TNRC6A: variants seen among roughly 807,000 people sequenced by gnomAD.
TNRC6A encodes the protein trinucleotide repeat-containing gene 6A protein.
A neutral mutation model predicts 221.2 loss-of-function variants in TNRC6A; 44 were observed. That is an observed-to-expected ratio of 0.20 (90% confidence interval 0.16 to 0.26). The LOEUF is 0.26. Ranked by LOEUF, TNRC6A falls within the 10% of genes least tolerant of loss-of-function variation. The pLI, the probability that TNRC6A is intolerant of heterozygous loss-of-function variation, is 1.00. For synonymous variants in TNRC6A, 847 were observed against 838.5 expected, an observed-to-expected ratio of 1.01 and a Z score of -0.18; for missense variants, 2,199 against 2,404.4, an observed-to-expected ratio of 0.91 and a Z score of 1.79.
upstream of TNRC6A, among the ~76,000 whole-genome samples, chr16:24,725,275 C>T (rs1426750520): frequency 2.0e-5 from 3 of 152,054 alleles, no homozygotes; most frequent in Non-Finnish European, 2.9e-5. Flanking sequence ...CAGCCTCAAG[C>T]GATCCTCCCA....
At chr16:24,653,605 G>A (rs1318793217) in intron 2 of TNRC6A, among the ~76,000 whole-genome samples, 2 of 152,046 alleles carry the variant, frequency 1.3e-5, no homozygotes, top group Non-Finnish European at 2.9e-5. Context: ...GTGAAACCCT[G>A]TCTCTACTAA....
In TNRC6A at chr16:24,798,055, C is replaced by T. The variant is rs569097688; in HGVS notation, c.3694+89C>T. ...CTACTGAAAGAGCCCTGACGTAGAT[C>T]AGGACAGGGGAGGCTGTGCTCTCCA... On this transcript the variant is annotated intron_variant, in intron 11 of 24. Transcript: ENST00000395799. 1.3e-3 allele frequency: 1,480 copies of T among 1,182,072 alleles called. 2 individuals are homozygous for T. Among genetic ancestry groups the T allele is most frequent in the Non-Finnish European group, 1.7e-3 (1,362 of 814,452 alleles). The allele number at this position is 1,182,072 out of a possible 1,614,324, so 73.2% of individuals were successfully genotyped here. A position where few individuals can be genotyped will look rare whatever the true frequency, so the allele number is the denominator to read the frequency against.
intron 1 of TNRC6A, among the ~76,000 whole-genome samples, chr16:24,638,949 A>T (rs1020575708): frequency 2.0e-5 from 3 of 152,216 alleles, no homozygotes; most frequent in Non-Finnish European, 4.4e-5. Flanking sequence ...TAAAACAAGG[A>T]TAGAAATCTG....
intron 5 of TNRC6A, among the ~76,000 whole-genome samples, chr16:24,788,719 G>T (rs903430443): frequency 6.8e-6 from 1 of 146,826 alleles, no homozygotes; most frequent in Non-Finnish European, 1.5e-5. Context: ...CACTATCTCC[G>T]CTCACTGCAA....
upstream of TNRC6A, among the ~76,000 whole-genome samples, chr16:24,726,361 C>T (rs201535216): frequency 2.8e-4 from 6 of 21,326 alleles, no homozygotes; most frequent in Non-Finnish European, 5.4e-4. Context: ...GCAAAAGATA[C>T]CAAAAAAAAA....
At chr16:24,679,765 C>A (rs1408213451) in intron 2 of TNRC6A, among the ~76,000 whole-genome samples, 1 of 152,082 alleles carries the variant, frequency 6.6e-6, no homozygotes, top group African/African-American at 2.4e-5. Flanking sequence ...GCGTGAGCCA[C>A]CCCACCTGGC....
At chr16:24,808,797 T>C (rs554421178) in intron 17 of TNRC6A, among the ~76,000 whole-genome samples, 2 of 152,362 alleles carry the variant, frequency 1.3e-5, no homozygotes, top group African/African-American at 4.8e-5. Flanking sequence ...ACAAGCGTTT[T>C]AGGTGATTCT....
At chr16:24,670,979 G>A in intron 2 of TNRC6A, 1 of 407,794 alleles carries the variant, frequency 2.5e-6, no homozygotes, top group Non-Finnish European at 5.0e-6. Context: ...TTAGCATCTG[G>A]CCGTGATCCC....
At chr16:24,804,352 A>T (rs1442258259) in intron 12 of TNRC6A, 33 bp downstream of exon 12, 2 of 1,600,442 alleles carry the variant, frequency 1.2e-6, no homozygotes, top group Non-Finnish European at 1.7e-6. Context: ...CTGACTTGAT[A>T]AACCAGTATA....
At chr16:24,682,576 C>G (rs534142477) in intron 2 of TNRC6A, among the ~76,000 whole-genome samples, 1 of 152,146 alleles carries the variant, frequency 6.6e-6, no homozygotes, top group African/African-American at 2.4e-5. Context: ...CAGAAAACCG[C>G]AAGGATCCAC....
At chr16:24,692,451 T>C (rs1245659768) in intron 2 of TNRC6A, among the ~76,000 whole-genome samples, 3 of 152,092 alleles carry the variant, frequency 2.0e-5, no homozygotes, top group African/African-American at 7.2e-5. Flanking sequence ...GCGCCTGTAG[T>C]CCCAGCTACT....
intron 2 of TNRC6A, among the ~76,000 whole-genome samples, chr16:24,642,112 G>A (rs1343267575): frequency 6.6e-6 from 1 of 152,174 alleles, no homozygotes; most frequent in African/African-American, 2.4e-5. Context: ...GGCTATGATC[G>A]TGTGTCTCCT....
chr16:24,707,362 AC>A, intron 2 of TNRC6A, among the ~76,000 whole-genome samples: 1 of 151,880 alleles, frequency 6.6e-6, no homozygotes, highest in South Asian at 2.1e-4. Context: ...ACACACACAC[AC>A]ACACACACAC....
In TNRC6A at chr16:24,650,671, A is replaced by C. The variant is rs141581761; in HGVS notation, n.402+9662A>C. Among the ~76,000 whole-genome samples the C allele has an allele frequency of 5.6e-4, 85 of 151,742 alleles. 2 individuals carry two copies. In the East Asian group the frequency reaches 0.011, roughly 19 times the overall value. On this transcript the variant is annotated intron_variant and non_coding_transcript_variant, in intron 2 of 2. Transcript: ENST00000566108. ...TAGAGTGAGACTCTGACTCAAAAAA[A>C]AAAAAAGAAAGAAAGAAAAAAAGGA...
intron 2 of TNRC6A, among the ~76,000 whole-genome samples, chr16:24,643,860 G>A (rs1379317669): frequency 6.6e-6 from 1 of 152,114 alleles, no homozygotes; most frequent in African/African-American, 2.4e-5. Flanking sequence ...GTCCTGGGAG[G>A]AAGGATCTAA....
At chr16:24,742,131 T>G (rs962946742) in intron 2 of TNRC6A, among the ~76,000 whole-genome samples, 1 of 152,198 alleles carries the variant, frequency 6.6e-6, no homozygotes. Context: ...CCACCACACC[T>G]AGTCCCACTG....
chr16:24,617,120 C>CT (rs796479701), intron 1 of TNRC6A, among the ~76,000 whole-genome samples: 5,941 of 143,526 alleles, frequency 0.041, 365 homozygotes, highest in African/African-American at 0.14. Context: ...TTTTGAGCAT[C>CT]TTTTTTTTTT....
At chr16:24,678,372 T>A (rs375510607) in intron 2 of TNRC6A, among the ~76,000 whole-genome samples, 19 of 149,602 alleles carry the variant, frequency 1.3e-4, no homozygotes, top group African/African-American at 4.7e-4. Flanking sequence ...CAGTATTAGG[T>A]GATAAAAAGC....
At chr16:24,775,450 A>T (rs759469102) in intron 4 of TNRC6A, among the ~76,000 whole-genome samples, 11 of 152,170 alleles carry the variant, frequency 7.2e-5, no homozygotes, top group Non-Finnish European at 1.3e-4. Context: ...AATGACATAG[A>T]CTAAATTTAC....
Sources: gnomAD v4.1 joint callset for allele counts (sites outside exome capture counted in the v4.1 genomes callset) on GRCh38, gnomAD v4.1.1 for gene constraint, MANE v1.5 for transcripts, NCBI Gene and HGNC (gene_info 2026-07-23, HGNC 2026-07-21) for gene names.